The following SCN1A variants were observed in gnomAD, a reference collection of about 807,000 sequenced individuals.
SCN1A encodes the protein sodium channel protein type 1 subunit alpha.
A neutral mutation model predicts 193.7 loss-of-function variants in SCN1A; 13 were observed. The ratio of observed to expected loss-of-function variants is 0.07; its 90% CI spans 0.04 to 0.11. SCN1A has a LOEUF of 0.11. SCN1A is among the 10% of genes least tolerant of loss of function. SCN1A has a pLI of 1.00. For synonymous variants in SCN1A, 781 were observed against 843.6 expected (o/e 0.93, Z 1.29); for missense variants, 1,432 against 2,451.1 (o/e 0.58, Z 8.78).
chr2:166,075,783 G>A (rs1684928319), intron 3 of SCN1A, among the ~76,000 whole-genome samples: 1 of 151,936 alleles, frequency 6.6e-6, no homozygotes, highest in African/African-American at 2.4e-5. Context: ...TTATTCTCCT[G>A]ACAGCAATGT....
At chr2:166,123,972 C>T (rs541309478) in intron 2 of SCN1A, among the ~76,000 whole-genome samples, 68 of 152,226 alleles carry the variant, frequency 4.5e-4, no homozygotes, top group African/African-American at 1.6e-3. Flanking sequence ...CATCATTGGC[C>T]TCATTAGATT....
intron 1 of SCN1A, among the ~76,000 whole-genome samples, chr2:166,146,725 C>T (rs1692337383): frequency 6.6e-6 from 1 of 152,194 alleles, no homozygotes; most frequent in Non-Finnish European, 1.5e-5. Context: ...TGTGCCAAAT[C>T]ACACAGTGAA....
downstream of SCN1A, chr2:165,985,203 A>G (rs1327432618): frequency 6.6e-6 from 1 of 152,020 alleles, no homozygotes; most frequent in African/African-American, 2.4e-5. Flanking sequence ...GGAGCAAGGT[A>G]TCTGAGAATG....
intron 3 of SCN1A, among the ~76,000 whole-genome samples, chr2:166,076,845 A>T (rs1685033945): frequency 6.6e-6 from 1 of 151,896 alleles, no homozygotes; most frequent in Admixed American, 6.6e-5. Flanking sequence ...ATGCAAAAAA[A>T]AAAAATGAAC....
At chr2:166,063,018 T>G (rs16851400) in intron 4 of SCN1A, among the ~76,000 whole-genome samples, 21,565 of 151,964 alleles carry the variant, frequency 0.14, 1,861 homozygotes, top group East Asian at 0.36. Flanking sequence ...CCAAGGCTCA[T>G]AGGAACATTG....
intron 1 of SCN1A, among the ~76,000 whole-genome samples, chr2:166,147,182 C>G (rs1211239642): frequency 6.6e-6 from 1 of 152,052 alleles, no homozygotes; most frequent in Non-Finnish European, 1.5e-5. Context: ...TTAGGAGACC[C>G]CACTTTGAAA....
chr2:166,128,912 T>G (rs1019349387), upstream of SCN1A, among the ~76,000 whole-genome samples: 1 of 152,188 alleles, frequency 6.6e-6, no homozygotes, highest in African/African-American at 2.4e-5. Context: ...ATGTTATATA[T>G]TGTATTCTAA....
Position 165,991,585 on chromosome 2 carries a change from T to C in SCN1A, c.5690A>G (p.Asn1897Ser), listed in dbSNP as rs1559100116. 1 of 1,613,900 alleles carries C rather than the reference T, an allele frequency of 6.2e-7. No individual in the cohort carries two copies. Among genetic ancestry groups the C allele is most frequent in the Non-Finnish European group, 8.5e-7 (1 of 1,179,880 alleles). The change falls in exon 29 of 29, where the codon AAT (asparagine) becomes AGT (serine). Residue 1897 changes from asparagine (N) to serine (S), a missense_variant. Asn to Ser is a conservative substitution (Grantham distance 46, BLOSUM62 1). Transcript: ENST00000674923. ...TGGCTGATAGGAGACCTTGGAAGGA[T>C]TGGAAGCCATGAATCGCTCTTCCAT... ...IQMEERFMAS[N>S]PSKVSYQPIT...
chr2:166,057,956 G>A (rs763568729), intron 5 of SCN1A, among the ~76,000 whole-genome samples: 10 of 151,838 alleles, frequency 6.6e-5, no homozygotes, highest in African/African-American at 2.4e-4. Context: ...ATTAACTTCC[G>A]GAGTCTTTAC....
intron 2 of SCN1A, chr2:166,109,438 G>C (rs1689060027): frequency 6.6e-6 from 1 of 152,166 alleles, no homozygotes; most frequent in Non-Finnish European, 1.5e-5. Context: ...ATCATAAGAA[G>C]TATATACATA....
chr2:165,991,221 C>T lies in SCN1A; in HGVS notation c.*24G>A, dbSNP rs774139508. The T allele has an allele frequency of 3.8e-6, 6 of 1,576,122 alleles. No individual in the cohort carries two copies. The South Asian group carries it at 6.8e-5, about 18-fold the overall frequency. On this transcript the variant is annotated 3_prime_UTR_variant, in exon 29 of 29. Transcript: ENST00000674923. ...TCACAGGCTGTAAACAATTTGTCAC[C>T]CAATTATTTTTATTTATTTTCATTT...
intron 2 of SCN1A, among the ~76,000 whole-genome samples, chr2:166,099,140 G>A (rs143549340): frequency 6.6e-6 from 1 of 152,176 alleles, no homozygotes; most frequent in East Asian, 1.9e-4. Flanking sequence ...GCATAGTACT[G>A]GCACAAAAAC....
intron 17 of SCN1A, 86 bp downstream of exon 17, chr2:166,039,337 T>C (rs552695930): frequency 2.2e-6 from 3 of 1,381,624 alleles, no homozygotes; most frequent in East Asian, 4.6e-5. Context: ...AATGGTTGTG[T>C]GGCAAAAAAA....
intron 19 of SCN1A, among the ~76,000 whole-genome samples, chr2:166,023,776 A>G (rs1694370953): frequency 6.6e-6 from 1 of 151,196 alleles, no homozygotes; most frequent in Non-Finnish European, 1.5e-5. Flanking sequence ...AGAAAAAAAA[A>G]TGATGTTTTT....
chr2:166,091,078 T>C (rs1316073066), intron 2 of SCN1A, among the ~76,000 whole-genome samples: 1 of 152,256 alleles, frequency 6.6e-6, no homozygotes, highest in Non-Finnish European at 1.5e-5. Context: ...AACGATTTCA[T>C]AGGAAAGAGA....
chr2:165,999,942 T>A, intron 24 of SCN1A, 166 bp from the exon 25 acceptor site: 1 of 661,692 alleles, frequency 1.5e-6, no homozygotes, highest in Non-Finnish European at 2.7e-6. Context: ...TAGTATGGCT[T>A]TTCATTTCTA....
chr2:166,111,301 C>A (rs769841698), intron 2 of SCN1A, among the ~76,000 whole-genome samples: 2 of 152,044 alleles, frequency 1.3e-5, no homozygotes, highest in Non-Finnish European at 2.9e-5. Context: ...TCAAAAAAAT[C>A]CTAGGGCCCT....
At chr2:166,065,198 G>A (rs943441820) in intron 4 of SCN1A, among the ~76,000 whole-genome samples, 15 of 152,110 alleles carry the variant, frequency 9.9e-5, no homozygotes, top group Admixed American at 7.9e-4. Context: ...AGTCAGACCA[G>A]GAAAATTATC....
At position 166,048,891 on chromosome 2, in the gene SCN1A, A is replaced by G. The variant is rs1376726963; in HGVS notation, c.1023T>C (p.Asp341=). 2 of 1,595,892 alleles carry G rather than the reference A, an allele frequency of 1.3e-6. No individual in the cohort carries two copies. The highest frequency in any genetic ancestry group is 1.7e-5 in the Admixed American group (1 of 59,884). ...CACACAAATTATTGACTTACCCTGC[A>G]TCAGAGCTATTTCCACATAGTAGTG... The part of the protein sequence containing the change: ...LDALLCGNSS[D]AGQCPEGYMC... Residue 341 remains aspartate (D), a synonymous_variant, in exon 10 of 29, where the codon GAT becomes GAC. Transcript: ENST00000674923.
Sources: allele counts gnomAD v4.1 joint callset (sites outside exome capture counted in the v4.1 genomes callset), GRCh38; gene constraint gnomAD v4.1.1; transcripts MANE v1.5; gene names NCBI Gene and HGNC (gene_info 2026-07-23, HGNC 2026-07-21).